The following PDE4D variants were observed in gnomAD, a reference collection of about 807,000 sequenced individuals.
PDE4D encodes the protein phosphodiesterase 4D, also known as 3',5'-cyclic-AMP phosphodiesterase 4D.
PDE4D carries 24 observed loss-of-function variants against 87.4 expected under a neutral mutation model. The ratio of observed to expected loss-of-function variants is 0.27; its 90% CI spans 0.20 to 0.39. PDE4D has a LOEUF of 0.39. Ranked by LOEUF, PDE4D falls within the 10% of genes least tolerant of loss-of-function variation. The probability of loss-of-function intolerance (pLI) is 1.00; values close to 1 mark genes in which losing one functional copy is unlikely to be tolerated. For missense variants in PDE4D, 714 were observed against 1,041.0 expected, an observed-to-expected ratio of 0.69 and a Z score of 4.32; for synonymous variants, 384 against 383.2, an observed-to-expected ratio of 1.00 and a Z score of -0.02.
intron 5 of PDE4D, chr5:59,039,624 G>T: frequency 1.8e-6 from 1 of 544,988 alleles, no homozygotes; most frequent in Non-Finnish European, 2.3e-6. Context: ...GGCGCTGCCT[G>T]GCTCCTCCTC....
intron 1 of PDE4D, among the ~76,000 whole-genome samples, chr5:60,315,804 C>T (rs557487752): frequency 0.055 from 8,203 of 150,478 alleles, 770 homozygotes; most frequent in African/African-American, 0.2. Flanking sequence ...TGTAGATATG[C>T]AGCATTATTT....
In PDE4D at chr5:60,123,227, C is replaced by A. The variant is rs1421688124; in HGVS notation, c.42+62330G>T. On this transcript the variant is annotated intron_variant, in intron 2 of 16. Coordinates refer to the PDE4D transcript ENST00000502484. ...TCAACCTCTGCCTGTTGGGCAATTC[C>A]AAAGTCGCTTCCACATTTCAGGTAT... Among the ~76,000 whole-genome samples, 6 of 152,274 alleles carry A rather than the reference C, an allele frequency of 3.9e-5. No individual in the cohort carries two copies. In the East Asian group the frequency reaches 1.2e-3, roughly 29 times the overall value.
chr5:59,775,408 A>G (rs1480611070), intron 1 of PDE4D, among the ~76,000 whole-genome samples: 1 of 152,354 alleles, frequency 6.6e-6, no homozygotes, highest in Middle Eastern at 3.4e-3. Context: ...TGCACTAAGC[A>G]TAAGCACTTT....
intron 1 of PDE4D, among the ~76,000 whole-genome samples, chr5:59,532,717 G>A (rs1430695117): frequency 2.0e-5 from 3 of 152,172 alleles, no homozygotes. Flanking sequence ...CAGACTTTCA[G>A]AAACCCCATT....
chr5:60,375,786 A>G (rs956229106), intron 1 of PDE4D, among the ~76,000 whole-genome samples: 24 of 152,152 alleles, frequency 1.6e-4, no homozygotes, highest in African/African-American at 4.8e-4. Flanking sequence ...CATGCCTGTA[A>G]TCCCAGCACT....
chr5:59,892,997 G>A (rs1364895454), intron 1 of PDE4D, among the ~76,000 whole-genome samples, 171 bp downstream of exon 1: 1 of 151,682 alleles, frequency 6.6e-6, no homozygotes, highest in Non-Finnish European at 1.5e-5. Flanking sequence ...CACCTGAATA[G>A]CATACTCTCA....
chr5:59,396,012 T>C (rs1392347379), intron 1 of PDE4D, among the ~76,000 whole-genome samples: 3 of 118,494 alleles, frequency 2.5e-5, no homozygotes, highest in South Asian at 2.8e-4. Context: ...TGAAATGAAG[T>C]GAGAAGGAAA....
chr5:59,031,394 A>T (rs200500190), intron 6 of PDE4D, among the ~76,000 whole-genome samples: 30 of 75,030 alleles, frequency 4.0e-4, no homozygotes, highest in Non-Finnish European at 6.2e-4. Flanking sequence ...TATATATATT[A>T]TATATATATA....
intron 1 of PDE4D, among the ~76,000 whole-genome samples, chr5:60,376,845 A>T (rs1761471026): frequency 6.6e-6 from 1 of 152,200 alleles, no homozygotes; most frequent in Admixed American, 6.5e-5. Context: ...TCTCCAAATG[A>T]TAAGTCTCAG....
chr5:59,647,573 C>T (rs778480150), intron 1 of PDE4D, among the ~76,000 whole-genome samples: 3 of 151,688 alleles, frequency 2.0e-5, no homozygotes, highest in Middle Eastern at 3.4e-3. Context: ...CATCTTAAAC[C>T]GTATCTTCTA....
intron 1 of PDE4D, among the ~76,000 whole-genome samples, chr5:59,359,747 T>TTAA (rs1326140967): frequency 6.6e-6 from 1 of 151,994 alleles, no homozygotes; most frequent in African/African-American, 2.4e-5. Flanking sequence ...TTCTAATTAC[T>TTAA]GTCATTTATT....
intron 1 of PDE4D, among the ~76,000 whole-genome samples, chr5:60,510,826 C>T (rs1750537985): frequency 6.6e-6 from 1 of 152,076 alleles, no homozygotes; most frequent in African/African-American, 2.4e-5. Flanking sequence ...CTGTGAAAAC[C>T]CAGACAAGTG....
intron 1 of PDE4D, among the ~76,000 whole-genome samples, chr5:59,854,959 G>C (rs1014655470): frequency 6.6e-6 from 1 of 152,114 alleles, no homozygotes; most frequent in African/African-American, 2.4e-5. Flanking sequence ...AAATTACTCT[G>C]TTTCAAAGAT....
At chr5:60,016,809 T>A (rs1269022210) in intron 2 of PDE4D, among the ~76,000 whole-genome samples, 1 of 152,198 alleles carries the variant, frequency 6.6e-6, no homozygotes, top group Non-Finnish European at 1.5e-5. Context: ...ATCATGAGGG[T>A]TAGCATCAAC....
intron 5 of PDE4D, among the ~76,000 whole-genome samples, chr5:59,086,351 A>C (rs1767679990): frequency 6.6e-6 from 1 of 152,140 alleles, no homozygotes; most frequent in South Asian, 2.1e-4. Context: ...ATTCACACAC[A>C]GTTCAAAGAA....
intron 5 of PDE4D, among the ~76,000 whole-genome samples, chr5:59,082,293 C>A (rs1766906456): frequency 6.6e-6 from 1 of 152,038 alleles, no homozygotes; most frequent in East Asian, 1.9e-4. Context: ...AAATCAGAAA[C>A]AAAAAGAAGC....
At chr5:59,544,227 A>T (rs1816877813) in intron 1 of PDE4D, among the ~76,000 whole-genome samples, 1 of 152,208 alleles carries the variant, frequency 6.6e-6, no homozygotes. Flanking sequence ...TCATTGAAGA[A>T]GGAACTCAGG....
chr5:59,417,135 T>C (rs1223206400), intron 1 of PDE4D, among the ~76,000 whole-genome samples: 1 of 152,148 alleles, frequency 6.6e-6, no homozygotes, highest in East Asian at 1.9e-4. Context: ...TTGTTAACAA[T>C]TCTCTATAAA....
At chr5:59,940,766 G>A (rs530923622) in intron 3 of PDE4D, among the ~76,000 whole-genome samples, 1 of 152,238 alleles carries the variant, frequency 6.6e-6, no homozygotes, top group South Asian at 2.1e-4. Context: ...ACATGACAGG[G>A]AATTAAAACT....
Sources: allele counts gnomAD v4.1 joint callset (sites outside exome capture counted in the v4.1 genomes callset), GRCh38; gene constraint gnomAD v4.1.1; transcripts MANE v1.5; gene names NCBI Gene and HGNC (gene_info 2026-07-23, HGNC 2026-07-21).